The following SP100 variants were observed in gnomAD, a reference collection of about 807,000 sequenced individuals.
SP100 encodes nuclear autoantigen Sp-100.
A neutral mutation model predicts 130.0 loss-of-function variants in SP100; 84 were observed. That is an observed-to-expected ratio of 0.65 (90% confidence interval 0.54 to 0.77). The LOEUF (loss-of-function observed/expected upper bound fraction) is 0.77, where lower values mean the gene tolerates loss of function less well. Among genes scored for constraint, SP100 ranks in the 30% least tolerant of loss-of-function variants. SP100 has a pLI of 0.00. For synonymous variants in SP100, 331 were observed against 351.7 expected (o/e 0.94, Z 0.66); for missense variants, 978 against 1,052.2 (o/e 0.93, Z 0.97).
At chr2:230,458,321 T>C (rs1409720643) in intron 8 of SP100, among the ~76,000 whole-genome samples, 1 of 152,220 alleles carries the variant, frequency 6.6e-6, no homozygotes, top group Non-Finnish European at 1.5e-5. Flanking sequence ...AGAGAAAATA[T>C]ATTTACTATT....
intron 6 of SP100, 29 bp downstream of exon 6, chr2:230,449,179 C>G (rs2063845367): frequency 6.2e-7 from 1 of 1,611,590 alleles, no homozygotes; most frequent in Non-Finnish European, 8.5e-7. Flanking sequence ...CTCTTTGAGC[C>G]TCTGCTATTC....
At chr2:230,535,136 C>T (rs1691872473) in intron 24 of SP100, among the ~76,000 whole-genome samples, 1 of 151,740 alleles carries the variant, frequency 6.6e-6, no homozygotes, top group Non-Finnish European at 1.5e-5. Flanking sequence ...GTGGAGGTTG[C>T]AGTGAGCCGA....
chr2:230,472,469 G>A (rs1406644881), intron 15 of SP100, among the ~76,000 whole-genome samples: 2 of 138,988 alleles, frequency 1.4e-5, no homozygotes, highest in African/African-American at 5.5e-5. Context: ...ACAAGATTCA[G>A]AGAAACAAGC....
chr2:230,480,568 GACTGT>G (rs2065783834), intron 17 of SP100, among the ~76,000 whole-genome samples: 1 of 152,312 alleles, frequency 6.6e-6, no homozygotes, highest in East Asian at 1.9e-4. Context: ...TCCCTAGGAG[GACTGT>G]ACAGATTGAT....
chr2:230,522,237 T>A (rs1691204528), intron 24 of SP100, among the ~76,000 whole-genome samples: 1 of 152,142 alleles, frequency 6.6e-6, no homozygotes, highest in African/African-American at 2.4e-5. Context: ...AGCAGATGGA[T>A]CATTGTGTTT....
Position 230,539,270 on chromosome 2 carries a change from G to C in SP100, c.2098G>C (p.Glu700Gln), listed in dbSNP as rs774184262. 1 of 1,612,350 alleles carries C rather than the reference G, an allele frequency of 6.2e-7. No individual in the cohort carries two copies. The highest frequency in any genetic ancestry group is 1.1e-5 in the South Asian group (1 of 91,004). Residue 700 changes from glutamate (E) to glutamine (Q), a missense_variant, in exon 25 of 29, where the codon GAA becomes CAA. Transcript: ENST00000340126. ...ATGTCTACATCTCCCCTTCTAGCCG[G>C]AAAACTCAAATATATGTGAGGTGTG... ...HNNTLVDPCPENSNICEVCNK... is the reference protein window; with the variant it reads ...HNNTLVDPCPQNSNICEVCNK...
chr2:230,428,448 T>G (rs2063002418), intron 2 of SP100, among the ~76,000 whole-genome samples: 1 of 113,354 alleles, frequency 8.8e-6, no homozygotes, highest in Admixed American at 8.7e-5. Flanking sequence ...GCTACACACT[T>G]TTTTTTTTTT....
Position 230,504,307 on chromosome 2 carries a change from A to C in SP100, c.1870+17A>C. 3 of 1,419,170 alleles carry C rather than the reference A, an allele frequency of 2.1e-6. No individual in the cohort carries two copies. Among genetic ancestry groups the C allele is most frequent in the Non-Finnish European group, 3.0e-6 (3 of 1,007,962 alleles). 87.9% of individuals were successfully genotyped at this position (1,419,170 alleles called of 1,614,324 possible). ...TCAAACAAGGTGAGTTTACTGGTCCATCTACGATTTTCAGCTGGAAAATAT... is the reference window on the plus strand; with the variant it reads ...TCAAACAAGGTGAGTTTACTGGTCCCTCTACGATTTTCAGCTGGAAAATAT... On this transcript the variant is annotated intron_variant, in intron 21 of 28. Transcript: ENST00000340126.
At chr2:230,526,443 C>G (rs891024466) in intron 24 of SP100, among the ~76,000 whole-genome samples, 1 of 152,156 alleles carries the variant, frequency 6.6e-6, no homozygotes, top group African/African-American at 2.4e-5. Context: ...TAGGTAAAAC[C>G]ACAAAGATGG....
intron 24 of SP100, 99 bp downstream of exon 24, chr2:230,511,265 G>A: frequency 1.2e-6 from 1 of 856,848 alleles, no homozygotes; most frequent in Non-Finnish European, 2.0e-6. Context: ...CTCAGTCTCA[G>A]TTGGAGTATG....
At chr2:230,493,339 T>G (rs1473244991) in intron 17 of SP100, among the ~76,000 whole-genome samples, 1 of 152,158 alleles carries the variant, frequency 6.6e-6, no homozygotes, top group Non-Finnish European at 1.5e-5. Flanking sequence ...TGCCTCAACC[T>G]CCCAAGTAGC....
chr2:230,521,275 G>A (rs1038205571), intron 24 of SP100, among the ~76,000 whole-genome samples: 3 of 152,074 alleles, frequency 2.0e-5, no homozygotes, highest in Non-Finnish European at 4.4e-5. Flanking sequence ...CCCCAGTTTT[G>A]AAATCTCAGA....
chr2:230,526,665 G>GA (rs1262495183), intron 24 of SP100, among the ~76,000 whole-genome samples: 1 of 151,976 alleles, frequency 6.6e-6, no homozygotes, highest in African/African-American at 2.4e-5. Context: ...TAAAAACTTT[G>GA]AAAAAAGGTT....
In SP100 at chr2:230,537,849, C is replaced by A. The variant is rs991267660; in HGVS notation, c.2095-1418C>A. The A allele has an allele frequency of 3.9e-5, 6 of 152,148 alleles. 1 individual carries two copies. The highest frequency in any genetic ancestry group is 3.9e-4 in the Admixed American group (6 of 15,282). The allele number at this position is 152,148 out of a possible 1,614,324, so 9.4% of individuals were successfully genotyped here. On this transcript the variant is annotated intron_variant, in intron 24 of 28. Transcript: ENST00000340126. ...GTGCAATACAGTTCGATCACAATTG[C>A]CACAATTGTGTAGGGTCCATCAGAA...
At chr2:230,477,758 T>A (rs900474769) in intron 17 of SP100, among the ~76,000 whole-genome samples, 1 of 152,080 alleles carries the variant, frequency 6.6e-6, no homozygotes, top group Non-Finnish European at 1.5e-5. Flanking sequence ...CCAAGTCCAT[T>A]GAAAGCTCTG....
chr2:230,417,496 A>C, intron 1 of SP100, 95 bp from the exon 2 acceptor site: 4 of 1,485,188 alleles, frequency 2.7e-6, no homozygotes, highest in Non-Finnish European at 3.6e-6. Flanking sequence ...TTTTACATCT[A>C]AACAAATATT....
intron 2 of SP100, among the ~76,000 whole-genome samples, chr2:230,431,421 A>T (rs1052860685): frequency 2.0e-5 from 3 of 152,208 alleles, no homozygotes; most frequent in Non-Finnish European, 4.4e-5. Context: ...AACACAGTCA[A>T]AGTGAATCCA....
intron 17 of SP100, among the ~76,000 whole-genome samples, chr2:230,488,382 GT>G (rs575655262): frequency 1.3e-5 from 2 of 151,902 alleles, no homozygotes; most frequent in Non-Finnish European, 2.9e-5. Flanking sequence ...TTTATTGAGA[GT>G]TTTTTTTGTT....
intron 22 of SP100, 32 bp from the exon 23 acceptor site, chr2:230,507,961 C>A: frequency 6.2e-7 from 1 of 1,605,922 alleles, no homozygotes; most frequent in Non-Finnish European, 8.5e-7. Flanking sequence ...AAGCAAGAAC[C>A]CATCAAATCA....
Sources: gnomAD v4.1 joint callset for allele counts (sites outside exome capture counted in the v4.1 genomes callset) on GRCh38, gnomAD v4.1.1 for gene constraint, MANE v1.5 for transcripts, NCBI Gene and HGNC (gene_info 2026-07-23, HGNC 2026-07-21) for gene names.